Variants in IQUB observed in about 807,000 individuals in gnomAD.
IQUB encodes the protein IQ motif and ubiquitin-like domain-containing protein.
A neutral mutation model predicts 86.4 loss-of-function variants in IQUB; 86 were observed. The observed-to-expected ratio is 1.00, with a 90% confidence interval of 0.84 to 1.19. The LOEUF is 1.19. Ranked by LOEUF, IQUB falls within the 50% of genes most tolerant of loss-of-function variation. IQUB has a pLI of 0.00. For synonymous variants in IQUB, 289 were observed against 304.5 expected (o/e 0.95, Z 0.53); for missense variants, 946 against 916.9 (o/e 1.03, Z -0.41).
At chr7:123,497,534 A>C (rs959708877) in intron 6 of IQUB, among the ~76,000 whole-genome samples, 1 of 152,048 alleles carries the variant, frequency 6.6e-6, no homozygotes, top group Non-Finnish European at 1.5e-5. Flanking sequence ...TTGAAAGTAC[A>C]CCATAGTACT....
At chr7:123,478,279 G>T (rs1197966366) in intron 8 of IQUB, among the ~76,000 whole-genome samples, 1 of 152,042 alleles carries the variant, frequency 6.6e-6, no homozygotes, top group East Asian at 1.9e-4. Context: ...TCCTTTGCAG[G>T]GATGAAGCTG....
chr7:123,477,396 C>A (rs1794797041), intron 8 of IQUB, among the ~76,000 whole-genome samples: 1 of 152,142 alleles, frequency 6.6e-6, no homozygotes, highest in Admixed American at 6.5e-5. Flanking sequence ...ATGGAGAAAG[C>A]TGAAACTGGA....
chr7:123,496,692 T>C lies in IQUB; in HGVS notation c.1234+4A>G. ...ATTTTTTGCAAAGCCTGTGTCCAAC[T>C]TACATTCTAATGCATTATAAAGAAA... On this transcript the variant is annotated splice_donor_region_variant and intron_variant, in intron 7 of 12. Transcript: ENST00000324698. 6.4e-7 allele frequency: 1 copy of C among 1,554,892 alleles called. No homozygotes were observed. Among genetic ancestry groups the C allele is most frequent in the East Asian group, 2.3e-5 (1 of 43,860 alleles).
At chr7:123,465,286 CAAAT>C (rs1487330143) in intron 9 of IQUB, among the ~76,000 whole-genome samples, 2 of 151,662 alleles carry the variant, frequency 1.3e-5, no homozygotes, top group African/African-American at 4.8e-5. Flanking sequence ...ACAATTCTGT[CAAAT>C]AAAATTCAAG....
At chr7:123,511,281 G>A (rs766906153) in intron 2 of IQUB, among the ~76,000 whole-genome samples, 8 of 152,030 alleles carry the variant, frequency 5.3e-5, no homozygotes, top group African/African-American at 7.2e-5. Context: ...TTCACAAGAC[G>A]GAAAAGGAGC....
intron 1 of IQUB, among the ~76,000 whole-genome samples, chr7:123,527,074 A>G (rs1251056421): frequency 6.6e-6 from 1 of 152,060 alleles, no homozygotes; most frequent in Non-Finnish European, 1.5e-5. Context: ...TTCATCTTCC[A>G]TCGCTGATAC....
intron 3 of IQUB, among the ~76,000 whole-genome samples, chr7:123,504,570 G>T (rs1796094902): frequency 6.6e-6 from 1 of 152,132 alleles, no homozygotes; most frequent in Non-Finnish European, 1.5e-5. Flanking sequence ...CATCTTACAT[G>T]GCCAGAGGAG....
chr7:123,462,513 C>T (rs1396836785), intron 10 of IQUB: 2 of 200,210 alleles, frequency 1.0e-5, no homozygotes, highest in African/African-American at 2.3e-5. Flanking sequence ...GGGTAATATT[C>T]TTTGAAAACT....
At chr7:123,469,731 T>C (rs1175047005) in intron 8 of IQUB, among the ~76,000 whole-genome samples, 1 of 152,188 alleles carries the variant, frequency 6.6e-6, no homozygotes, top group Non-Finnish European at 1.5e-5. Flanking sequence ...TGAGTGTATA[T>C]AAATATGTCT....
chr7:123,531,359 G>A (rs1372430174), intron 1 of IQUB, among the ~76,000 whole-genome samples: 1 of 151,956 alleles, frequency 6.6e-6, no homozygotes. Context: ...CAAAGTAAAA[G>A]CATCAGCTAT....
At chr7:123,457,309 G>C in intron 12 of IQUB, 72 bp downstream of exon 12, 1 of 1,555,444 alleles carries the variant, frequency 6.4e-7, no homozygotes, top group South Asian at 1.2e-5. Flanking sequence ...GAATATATTA[G>C]AAGGCAGTCC....
intron 7 of IQUB, among the ~76,000 whole-genome samples, chr7:123,482,983 T>C (rs1795071315): frequency 6.6e-6 from 1 of 152,172 alleles, no homozygotes; most frequent in Admixed American, 6.6e-5. Context: ...CCAAAGTCAC[T>C]TTACTCATCA....
chr7:123,496,315 G>A (rs1044183403), intron 7 of IQUB, among the ~76,000 whole-genome samples: 1 of 152,046 alleles, frequency 6.6e-6, no homozygotes, highest in African/African-American at 2.4e-5. Flanking sequence ...AGCAAAATCA[G>A]ACAGGATGCT....
intron 1 of IQUB, among the ~76,000 whole-genome samples, chr7:123,516,572 G>T (rs1796645757): frequency 6.6e-6 from 1 of 152,072 alleles, no homozygotes; most frequent in African/African-American, 2.4e-5. Flanking sequence ...GAAAAAGAAA[G>T]AAGGTGAAAT....
At position 123,502,721 on chromosome 7, in the gene IQUB, G is replaced by T. The variant is rs768758134; in HGVS notation, c.899C>A (p.Thr300Asn). 2.5e-6 allele frequency: 4 copies of T among 1,603,764 alleles called. No homozygotes were observed. In the South Asian group the frequency reaches 4.5e-5, roughly 18 times the overall value. Reference protein sequence around the residue: ...TVFQKKNLQQTTNTTSTQMTN... With the variant: ...TVFQKKNLQQNTNTTSTQMTN... ...CATCTGTGTGGATGTTGTATTTGTA[G>T]TTTGTTGGAGATTTTTTTTCTGAAA... Residue 300 changes from threonine to asparagine, a missense_variant, in exon 6 of 13, where the codon ACT becomes AAT. Thr to Asn is a moderately conservative substitution (Grantham distance 65). Coordinates refer to ENST00000324698, the MANE Select transcript of IQUB (RefSeq NM_178827.5).
In IQUB at chr7:123,452,752, A is replaced by C. The variant is rs1793479690; in HGVS notation, c.2367T>G (p.Pro789=). The change falls in exon 13 of 13, where the codon CCT becomes CCG. Residue 789 remains proline (P), a synonymous_variant. Coordinates refer to ENST00000324698, the MANE Select transcript of IQUB (RefSeq NM_178827.5). ...AATACTCCTGGATCACCTAATGAGG[A>C]GGCCTCTGGGATTCTATAATCTTAG... ...TTPKIIESQR[P]PH The C allele has an allele frequency of 2.5e-6, 4 of 1,611,080 alleles. No homozygotes were observed. The highest frequency in any genetic ancestry group is 3.4e-6 in the Non-Finnish European group (4 of 1,178,152).
intron 12 of IQUB, among the ~76,000 whole-genome samples, chr7:123,453,445 T>TTA (rs1246524576): frequency 6.7e-5 from 10 of 149,184 alleles, no homozygotes; most frequent in East Asian, 3.9e-4. Flanking sequence ...CCTTATATAA[T>TTA]TATATATATA....
In IQUB at chr7:123,528,257, T is replaced by C. The variant is rs1797358478; in HGVS notation, c.-5+6235A>G. ...ATGAACCCTGTACCTCAGATGGAAATGCAGAAATCACCCGTCTTCTGCGTC... is the reference window on the plus strand; with the variant it reads ...ATGAACCCTGTACCTCAGATGGAAACGCAGAAATCACCCGTCTTCTGCGTC... On this transcript the variant is annotated intron_variant, in intron 1 of 12. Transcript: ENST00000324698. 5.3e-5 allele frequency among the ~76,000 whole-genome samples: 8 copies of C among 152,324 alleles called. No homozygotes were observed. In the South Asian group the frequency reaches 1.7e-3, roughly 32 times the overall value.
At chr7:123,527,825 A>G (rs992992352) in intron 1 of IQUB, among the ~76,000 whole-genome samples, 8 of 152,254 alleles carry the variant, frequency 5.3e-5, no homozygotes, top group Non-Finnish European at 1.0e-4. Context: ...GGCCTCCTTG[A>G]GCTGTGGTGG....
Sources: gnomAD v4.1 joint callset for allele counts (sites outside exome capture counted in the v4.1 genomes callset) on GRCh38, gnomAD v4.1.1 for gene constraint, MANE v1.5 for transcripts, NCBI Gene and HGNC (gene_info 2026-07-23, HGNC 2026-07-21) for gene names.